NRP1: variants seen among roughly 807,000 people sequenced by gnomAD.
NRP1 encodes the protein neuropilin 1, also known as neuropilin-1.
NRP1 carries 35 observed loss-of-function variants against 106.7 expected under a neutral mutation model. The observed-to-expected ratio is 0.33, with a 90% CI of 0.25 to 0.43. NRP1 has a LOEUF of 0.43. Among genes scored for constraint, NRP1 ranks in the 20% least tolerant of loss-of-function variants. NRP1 has a pLI of 1.00. For synonymous variants in NRP1, 437 were observed against 417.9 expected, an observed-to-expected ratio of 1.05 and a Z score of -0.56; for missense variants, 1,024 against 1,170.4, an observed-to-expected ratio of 0.87 and a Z score of 1.83.
At chr10:33,331,684 T>C (rs997995140) in intron 1 of NRP1, among the ~76,000 whole-genome samples, 1 of 152,300 alleles carries the variant, frequency 6.6e-6, no homozygotes, top group Admixed American at 6.5e-5. Flanking sequence ...GTGAGCTAAG[T>C]AGTTTTGAGC....
At chr10:33,279,667 G>C (rs1843966823) in intron 2 of NRP1, among the ~76,000 whole-genome samples, 1 of 152,168 alleles carries the variant, frequency 6.6e-6, no homozygotes. Context: ...GGGAGACAGT[G>C]TGTGGATATG....
At chr10:33,297,917 G>T (rs1168160290) in intron 2 of NRP1, among the ~76,000 whole-genome samples, 1 of 148,708 alleles carries the variant, frequency 6.7e-6, no homozygotes, top group East Asian at 2.0e-4. Flanking sequence ...GCTATTCTAA[G>T]AAAAAAAAAA....
At chr10:33,299,370 C>T in intron 2 of NRP1, among the ~76,000 whole-genome samples, 1 of 152,168 alleles carries the variant, frequency 6.6e-6, no homozygotes, top group Non-Finnish European at 1.5e-5. Flanking sequence ...CTGAAACAGG[C>T]CCTTCAATCT....
intron 3 of NRP1, among the ~76,000 whole-genome samples, chr10:33,265,721 C>G (rs1842873086): frequency 6.6e-6 from 1 of 152,232 alleles, no homozygotes; most frequent in African/African-American, 2.4e-5. Context: ...CTCAAACCTT[C>G]TTGGACGTGG....
At chr10:33,215,082 T>C (rs545413919) in intron 8 of NRP1, among the ~76,000 whole-genome samples, 31 of 152,248 alleles carry the variant, frequency 2.0e-4, no homozygotes, top group Admixed American at 5.9e-4. Flanking sequence ...CCATTATTGA[T>C]AGGAAGATAT....
intron 6 of NRP1, among the ~76,000 whole-genome samples, chr10:33,250,969 C>T (rs1410700823): frequency 2.6e-5 from 4 of 152,164 alleles, no homozygotes; most frequent in Non-Finnish European, 4.4e-5. Context: ...AGTTATCCAG[C>T]AGGGAGACCC....
At chr10:33,183,514 T>C (rs1170220959) in intron 15 of NRP1, among the ~76,000 whole-genome samples, 1 of 152,192 alleles carries the variant, frequency 6.6e-6, no homozygotes, top group African/African-American at 2.4e-5. Context: ...TCTCGAATAG[T>C]ATGCCAACTC....
Position 33,202,927 on chromosome 10 carries a change from A to T in NRP1, c.1828T>A (p.Cys610Ser). ...VDECDDDQAN[C>S]HSGTGDDFQL... The stretch of plus-strand genomic sequence containing the variant: ...AAGTCATCACCTGTTCCACTGTGGC[A>T]GTTGGCCTGGTCGTCATCACATTCA... The change falls in exon 11 of 17, where the codon TGC (cysteine) becomes AGC (serine). Residue 610 changes from cysteine (C) to serine (S), a missense_variant. Around this residue, in one of 5 missense-constraint regions of NRP1, gnomAD observed 562 missense variants for 620.3 expected, o/e 0.91. Transcript: ENST00000374867. 1 of 1,614,218 alleles carries T rather than the reference A, an allele frequency of 6.2e-7. No homozygotes were observed. The highest frequency in any genetic ancestry group is 8.5e-7 in the Non-Finnish European group (1 of 1,180,028).
intron 9 of NRP1, chr10:33,211,881 T>A (rs1209472650): frequency 6.6e-6 from 1 of 152,238 alleles, no homozygotes; most frequent in Non-Finnish European, 1.5e-5. Flanking sequence ...AAAAGGCCAA[T>A]TGTATTGGTG....
intron 2 of NRP1, among the ~76,000 whole-genome samples, chr10:33,277,859 T>C (rs1489941672): frequency 6.6e-6 from 1 of 152,228 alleles, no homozygotes; most frequent in Non-Finnish European, 1.5e-5. Context: ...CACATATTTA[T>C]TTATTCACTC....
intron 2 of NRP1, among the ~76,000 whole-genome samples, chr10:33,273,317 G>T (rs937040808): frequency 2.0e-5 from 3 of 152,174 alleles, no homozygotes; most frequent in Non-Finnish European, 4.4e-5. Context: ...AGGGTGTACT[G>T]CGCACAAGTT....
chr10:33,311,325 G>A (rs1016518562), intron 2 of NRP1, among the ~76,000 whole-genome samples: 1 of 152,132 alleles, frequency 6.6e-6, no homozygotes, highest in East Asian at 1.9e-4. Flanking sequence ...TTTTATATGC[G>A]TCTTGTTTAG....
At chr10:33,245,593 C>T (rs776693671) in intron 6 of NRP1, among the ~76,000 whole-genome samples, 3 of 152,148 alleles carry the variant, frequency 2.0e-5, no homozygotes, top group Non-Finnish European at 4.4e-5. Context: ...AGGACACCAG[C>T]CTCAACAGAG....
intron 13 of NRP1, among the ~76,000 whole-genome samples, chr10:33,191,077 C>T (rs940274951): frequency 2.0e-5 from 3 of 152,150 alleles, no homozygotes; most frequent in Non-Finnish European, 4.4e-5. Flanking sequence ...AGGCTGGTCT[C>T]TAACTCTCTA....
Position 33,202,471 on chromosome 10 carries a change from T to G in NRP1, c.1864+420A>C, listed in dbSNP as rs1033161519. On this transcript the variant is annotated intron_variant, in intron 11 of 16. Transcript: ENST00000374867. ...TATAAGCCTAACTTTATCCATTTGT[T>G]GGATAAAGGATCCACTCAAAAAAAC... 4 of 779,190 alleles carry G rather than the reference T, an allele frequency of 5.1e-6. No individual in the cohort carries two copies. The African/African-American group carries it at 7.0e-5, about 14-fold the overall frequency. 48.3% of individuals were successfully genotyped at this position (779,190 alleles called of 1,614,324 possible). A position where few individuals can be genotyped will look rare whatever the true frequency, so the allele number is the denominator to read the frequency against.
At chr10:33,202,729 T>C (rs1444762552) in intron 11 of NRP1, 162 bp downstream of exon 11, 4 of 1,555,636 alleles carry the variant, frequency 2.6e-6, no homozygotes, top group Non-Finnish European at 2.6e-6. Flanking sequence ...TCTATCCAGA[T>C]GACATGAGGA....
chr10:33,237,569 CCTT>C (rs1840670032), intron 6 of NRP1, among the ~76,000 whole-genome samples: 2 of 137,978 alleles, frequency 1.4e-5, no homozygotes, highest in Non-Finnish European at 3.1e-5. Flanking sequence ...TGAATATTTT[CCTT>C]CTTCTTTTTT....
intron 2 of NRP1, among the ~76,000 whole-genome samples, chr10:33,272,570 T>C (rs1309151729): frequency 6.6e-6 from 1 of 152,078 alleles, no homozygotes. Context: ...AAGCATTATG[T>C]TTAAAATCCT....
intron 1 of NRP1, among the ~76,000 whole-genome samples, chr10:33,332,285 T>A (rs922306228): frequency 1.3e-5 from 2 of 152,214 alleles, no homozygotes; most frequent in African/African-American, 4.8e-5. Flanking sequence ...GAAGAAATGA[T>A]GTTGCAACTG....
Sources: allele counts gnomAD v4.1 joint callset (sites outside exome capture counted in the v4.1 genomes callset), GRCh38; gene constraint gnomAD v4.1.1; regional missense constraint gnomAD v4.1.1; transcripts MANE v1.5; gene names NCBI Gene and HGNC (gene_info 2026-07-23, HGNC 2026-07-21).